GUCY1A2: variants seen among roughly 807,000 people sequenced by gnomAD.
The protein encoded by GUCY1A2 is guanylate cyclase soluble subunit alpha-2.
GUCY1A2 carries 27 observed loss-of-function variants against 63.5 expected under a neutral mutation model. The ratio of observed to expected loss-of-function variants is 0.43; its 90% CI spans 0.31 to 0.59. The LOEUF (loss-of-function observed/expected upper bound fraction) is 0.59, where lower values mean the gene tolerates loss of function less well. GUCY1A2 is among the 20% of genes least tolerant of loss of function. The probability of loss-of-function intolerance (pLI) is 0.11; values close to 1 mark genes in which losing one functional copy is unlikely to be tolerated. For missense variants in GUCY1A2, 768 were observed against 913.3 expected, an observed-to-expected ratio of 0.84 and a Z score of 2.05; for synonymous variants, 364 against 343.5, an observed-to-expected ratio of 1.06 and a Z score of -0.66.
intron 5 of GUCY1A2, among the ~76,000 whole-genome samples, chr11:106,797,508 C>G (rs1297957707): frequency 6.6e-6 from 1 of 152,056 alleles, no homozygotes; most frequent in Non-Finnish European, 1.5e-5. Flanking sequence ...GCAGTTATTC[C>G]AAAACTAACC....
At chr11:106,966,001 T>C (rs1489101325) in intron 3 of GUCY1A2, among the ~76,000 whole-genome samples, 1 of 152,086 alleles carries the variant, frequency 6.6e-6, no homozygotes, top group African/African-American at 2.4e-5. Context: ...ACTACAGTCA[T>C]ATAGAAATCC....
At chr11:106,742,588 C>G (rs552061743) in intron 6 of GUCY1A2, among the ~76,000 whole-genome samples, 7 of 152,252 alleles carry the variant, frequency 4.6e-5, no homozygotes, top group Admixed American at 1.3e-4. Flanking sequence ...TCCAGCCTAT[C>G]AATGATGGGC....
chr11:106,709,267 ATTT>A (rs1862986918), intron 6 of GUCY1A2, among the ~76,000 whole-genome samples: 1 of 15,850 alleles, frequency 6.3e-5, no homozygotes, highest in African/African-American at 5.0e-4. Context: ...ATATAAATAT[ATTT>A]ATATATATAA....
At chr11:106,755,953 ATT>A (rs1336748554) in intron 6 of GUCY1A2, among the ~76,000 whole-genome samples, 36 of 152,218 alleles carry the variant, frequency 2.4e-4, no homozygotes, top group African/African-American at 7.5e-4. Context: ...AGGGTGTTAA[ATT>A]CTCCGATTAC....
chr11:106,809,782 A>G (rs150709428), intron 5 of GUCY1A2, among the ~76,000 whole-genome samples: 1 of 144,038 alleles, frequency 6.9e-6, no homozygotes, highest in African/African-American at 2.5e-5. Context: ...ACTGAGCAAT[A>G]TCATGATTCT....
At chr11:106,700,429 A>G (rs12146694) in intron 7 of GUCY1A2, among the ~76,000 whole-genome samples, 26,430 of 152,140 alleles carry the variant, frequency 0.17, 2,464 homozygotes, top group Admixed American at 0.22. Context: ...TATATAGCAG[A>G]GAGACAAAGA....
intron 4 of GUCY1A2, among the ~76,000 whole-genome samples, chr11:106,930,503 G>C (rs1225418891): frequency 2.0e-5 from 3 of 152,150 alleles, no homozygotes; most frequent in Non-Finnish European, 4.4e-5. Context: ...GCTTGCTCAA[G>C]GATGATGCCC....
In GUCY1A2 at chr11:106,978,720, T is replaced by C; in HGVS notation, c.386A>G (p.Asn129Ser). The C allele has an allele frequency of 6.3e-7, 1 of 1,596,814 alleles. No homozygotes were observed. Residue 129 changes from asparagine (N) to serine (S), a missense_variant, in exon 3 of 8, where the codon AAT becomes AGT. By Grantham distance (46) the Asn-to-Ser change is conservative. Transcript: ENST00000526355. ...QVIGYRDAEKNFHNISNRCSY... is the reference protein window; with the variant it reads ...QVIGYRDAEKSFHNISNRCSY... The stretch of plus-strand genomic sequence containing the variant: ...GCATCTGTTAGAGATATTGTGGAAA[T>C]TCTTTTCTGCATCCCTGTAACTAAG...
At chr11:106,852,063 A>G (rs1859363076) in intron 4 of GUCY1A2, among the ~76,000 whole-genome samples, 1 of 151,114 alleles carries the variant, frequency 6.6e-6, no homozygotes, top group African/African-American at 2.4e-5. Context: ...GCAATCTTTC[A>G]CCCCTTTTGT....
intron 3 of GUCY1A2, among the ~76,000 whole-genome samples, chr11:106,972,050 C>A (rs1334089413): frequency 6.6e-6 from 1 of 152,064 alleles, no homozygotes; most frequent in Non-Finnish European, 1.5e-5. Context: ...GACCAGTACA[C>A]TTGAAAACTG....
intron 4 of GUCY1A2, among the ~76,000 whole-genome samples, chr11:106,862,045 G>A (rs148790114): frequency 1.8e-4 from 28 of 151,984 alleles, no homozygotes; most frequent in South Asian, 1.7e-3. Flanking sequence ...AAATTATGTC[G>A]TCAGTCCCCT....
At position 106,978,481 on chromosome 11, in the gene GUCY1A2, C is replaced by T. The variant is rs757127769; in HGVS notation, c.487+138G>A. 1.0e-4 allele frequency: 57 copies of T among 562,230 alleles called. No homozygotes were observed. In the Middle Eastern group the frequency reaches 1.8e-3, roughly 18 times the overall value. 34.8% of individuals were successfully genotyped at this position (562,230 alleles called of 1,614,324 possible). Reference sequence around the variant, plus strand: ...TCAAACATCTTCAGGAGAGTTAACACCCATCACTTCACAAGGTCTGGGTCT... The same window carrying T: ...TCAAACATCTTCAGGAGAGTTAACATCCATCACTTCACAAGGTCTGGGTCT... On this transcript the variant is annotated intron_variant, in intron 3 of 7. Transcript: ENST00000526355.
intron 3 of GUCY1A2, among the ~76,000 whole-genome samples, chr11:106,966,689 T>C (rs762199407): frequency 5.9e-5 from 9 of 152,168 alleles, no homozygotes; most frequent in South Asian, 2.1e-4. Flanking sequence ...AATATAACAA[T>C]ATACTAGTCC....
chr11:106,746,891 C>A (rs565280518), intron 6 of GUCY1A2, among the ~76,000 whole-genome samples: 6 of 152,192 alleles, frequency 3.9e-5, no homozygotes, highest in African/African-American at 1.4e-4. Context: ...GTAAAGGCAC[C>A]CACGTGATAA....
chr11:106,723,764 AGT>A (rs1863357205), intron 6 of GUCY1A2, among the ~76,000 whole-genome samples: 3 of 152,216 alleles, frequency 2.0e-5, no homozygotes, highest in Admixed American at 6.5e-5. Context: ...CGGAGGAAGC[AGT>A]GAGTCAAGAT....
In GUCY1A2 at chr11:106,682,438, A is replaced by G. The variant is rs567546110; in HGVS notation, c.*5111T>C. 2 of 209,688 alleles carry G rather than the reference A, an allele frequency of 9.5e-6. No individual in the cohort carries two copies. The highest frequency in any genetic ancestry group is 1.9e-4 in the South Asian group (1 of 5,316). The allele number at this position is 209,688 out of a possible 1,614,324, so 13.0% of individuals were successfully genotyped here. ...CTACTGAATCCAAATCTCTGAAGGTAAAGACTAGTCTTCTGTATTCCTAAA... is the reference window on the plus strand; with the variant it reads ...CTACTGAATCCAAATCTCTGAAGGTGAAGACTAGTCTTCTGTATTCCTAAA... On this transcript the variant is annotated 3_prime_UTR_variant, in exon 8 of 8. Transcript: ENST00000526355.
chr11:106,940,261 G>C, intron 3 of GUCY1A2, 83 bp from the exon 4 acceptor site: 1 of 680,326 alleles, frequency 1.5e-6, no homozygotes, highest in South Asian at 1.9e-5. Context: ...TATCAAAAGA[G>C]TAACTACTGA....
intron 1 of GUCY1A2, among the ~76,000 whole-genome samples, chr11:107,011,126 G>A (rs765046498): frequency 2.2e-4 from 33 of 152,168 alleles, no homozygotes; most frequent in South Asian, 4.1e-4. Flanking sequence ...TTAACCCACT[G>A]CCTCATGCAT....
chr11:106,898,592 C>T (rs971142341), intron 4 of GUCY1A2, among the ~76,000 whole-genome samples: 2 of 152,010 alleles, frequency 1.3e-5, no homozygotes, highest in Admixed American at 1.3e-4. Flanking sequence ...TGAAAGAACT[C>T]AATTTGAAAA....
Sources: gnomAD v4.1 joint callset for allele counts (sites outside exome capture counted in the v4.1 genomes callset) on GRCh38, gnomAD v4.1.1 for gene constraint, MANE v1.5 for transcripts, NCBI Gene and HGNC (gene_info 2026-07-23, HGNC 2026-07-21) for gene names.